The following ISM2 variants were observed in gnomAD, a reference collection of about 807,000 sequenced individuals.
ISM2 encodes the protein isthmin-2.
A neutral mutation model predicts 58.0 loss-of-function variants in ISM2; 50 were observed. The observed-to-expected ratio is 0.86, with a 90% confidence interval of 0.69 to 1.09. The LOEUF is 1.09. Among genes scored for constraint, ISM2 ranks in the 50% least tolerant of loss-of-function variants. The probability of loss-of-function intolerance (pLI) is 0.00; values close to 1 mark genes in which losing one functional copy is unlikely to be tolerated. For missense variants in ISM2, 723 were observed against 745.0 expected (o/e 0.97, Z 0.34); for synonymous variants, 303 against 312.4 (o/e 0.97, Z 0.32).
intron 4 of ISM2, among the ~76,000 whole-genome samples, chr14:77,480,589 G>A (rs1180127221): frequency 5.2e-5 from 6 of 114,520 alleles, no homozygotes; most frequent in Middle Eastern, 6.8e-3. Flanking sequence ...ACAGGGTCTC[G>A]CTCTGTCACC....
chr14:77,497,367 CAAAAAAAAAA>C lies in ISM2; in HGVS notation c.141+1276_141+1285del, dbSNP rs35676781. ...TGGGCAACACAATGAGGCTCTGTCTCAAAAAAAAAAAAAAAAAAAAAGGAAGAAGAAGAAT... is the reference window on the plus strand; with the variant it reads ...TGGGCAACACAATGAGGCTCTGTCTCAAAAAAAAAAAGGAAGAAGAAGAAT... On this transcript the variant is annotated intron_variant, in intron 1 of 6. Coordinates refer to ENST00000342219, the MANE Select transcript of ISM2 (RefSeq NM_199296.3). Among the ~76,000 whole-genome samples the C allele has an allele frequency of 6.2e-5, 4 of 64,764 alleles. No individual in the cohort carries two copies. The Admixed American group carries it at 6.9e-4, about 11-fold the overall frequency. 42.5% of individuals were successfully genotyped at this position (64,764 alleles called of 152,430 possible). A position where few individuals can be genotyped will look rare whatever the true frequency, so the allele number is the denominator to read the frequency against.
At chr14:77,497,382 A>AAC (rs1322898294) in intron 1 of ISM2, among the ~76,000 whole-genome samples, 1 of 148,042 alleles carries the variant, frequency 6.8e-6, no homozygotes, top group African/African-American at 2.5e-5. Flanking sequence ...AAAAAAAAAA[A>AAC]AAAAAAGGAA....
intron 4 of ISM2, among the ~76,000 whole-genome samples, chr14:77,482,061 C>T (rs1391677731): frequency 6.6e-6 from 1 of 151,410 alleles, no homozygotes; most frequent in Admixed American, 6.6e-5. Flanking sequence ...TGCAGTGAAC[C>T]ATGATCATGC....
chr14:77,481,120 A>T (rs780638459), intron 4 of ISM2, among the ~76,000 whole-genome samples: 7 of 151,864 alleles, frequency 4.6e-5, no homozygotes, highest in Non-Finnish European at 1.0e-4. Flanking sequence ...CAGGCAGATC[A>T]CTTGAGGTCA....
At chr14:77,491,480 C>T (rs2079203628) in intron 1 of ISM2, among the ~76,000 whole-genome samples, 1 of 152,090 alleles carries the variant, frequency 6.6e-6, no homozygotes, top group Non-Finnish European at 1.5e-5. Context: ...CCTCTGCCTC[C>T]CGGGCTCAAG....
At chr14:77,477,659 C>T (rs2079106530) in intron 6 of ISM2, among the ~76,000 whole-genome samples, 1 of 152,218 alleles carries the variant, frequency 6.6e-6, no homozygotes, top group African/African-American at 2.4e-5. Context: ...GCTGACATCC[C>T]CTGTGCCAGC....
At position 77,478,625 on chromosome 14, in the gene ISM2, T is replaced by C. The variant is rs145388685; in HGVS notation, c.1064A>G (p.Tyr355Cys). 5 of 1,613,688 alleles carry C rather than the reference T, an allele frequency of 3.1e-6. No homozygotes were observed. The highest frequency in any genetic ancestry group is 3.3e-5 in the Admixed American group (2 of 60,008). Residue 355 changes from tyrosine (Y) to cysteine (C), a missense_variant, in exon 5 of 7, where the codon TAT becomes TGT. Tyr to Cys is a radical substitution (Grantham distance 194). Transcript: ENST00000342219. ...GKQQRTRPCG[Y>C]GCTATETRTC... ...ACGGGTCTCGGTGGCAGTGCAGCCA[T>C]AGCCACAGGGCCGAGTCCTCTGCTG...
chr14:77,495,266 G>C (rs11625487), intron 1 of ISM2, among the ~76,000 whole-genome samples: 107,067 of 151,948 alleles, frequency 0.7, 40,289 homozygotes, highest in East Asian at 0.96. Context: ...GAACTCCAAG[G>C]CCTAGACTCT....
chr14:77,495,229 A>T (rs1263319582), intron 1 of ISM2, among the ~76,000 whole-genome samples: 1 of 152,182 alleles, frequency 6.6e-6, no homozygotes, highest in African/African-American at 2.4e-5. Flanking sequence ...GGTGAGTCAC[A>T]CATGCATTAA....
chr14:77,483,643 C>CGT (rs148280012), intron 3 of ISM2, among the ~76,000 whole-genome samples: 4,070 of 149,314 alleles, frequency 0.027, 161 homozygotes, highest in African/African-American at 0.095. Flanking sequence ...TGCGTGTGTG[C>CGT]GTGTGTGTGT....
At chr14:77,476,502 G>A (rs903754229) in intron 6 of ISM2, among the ~76,000 whole-genome samples, 1 of 152,146 alleles carries the variant, frequency 6.6e-6, no homozygotes, top group Non-Finnish European at 1.5e-5. Flanking sequence ...TGGTAAGAAG[G>A]TTTCATTATT....
chr14:77,492,344 G>C (rs2079210671), intron 1 of ISM2, among the ~76,000 whole-genome samples: 1 of 152,044 alleles, frequency 6.6e-6, no homozygotes, highest in Non-Finnish European at 1.5e-5. Flanking sequence ...TACTAACCTT[G>C]GGTTAGTTAC....
At chr14:77,497,503 A>G (rs922211589) in intron 1 of ISM2, among the ~76,000 whole-genome samples, 3 of 151,424 alleles carry the variant, frequency 2.0e-5, no homozygotes, top group Non-Finnish European at 4.4e-5. Flanking sequence ...TGGGACACAC[A>G]GTGAGACCCC....
intron 1 of ISM2, among the ~76,000 whole-genome samples, chr14:77,489,450 A>G (rs1192780474): frequency 5.3e-5 from 8 of 152,212 alleles, no homozygotes; most frequent in Non-Finnish European, 8.8e-5. Flanking sequence ...CCCTGCCTAC[A>G]ATAGCAATTG....
intron 1 of ISM2, among the ~76,000 whole-genome samples, chr14:77,492,738 T>C (rs999913509): frequency 1.3e-5 from 2 of 152,110 alleles, no homozygotes; most frequent in African/African-American, 4.8e-5. Context: ...CCAGACATGG[T>C]GGCTCGCGCC....
intron 6 of ISM2, among the ~76,000 whole-genome samples, chr14:77,477,228 C>T (rs2079103814): frequency 6.6e-6 from 1 of 152,186 alleles, no homozygotes; most frequent in Non-Finnish European, 1.5e-5. Flanking sequence ...TGTGCAGAAC[C>T]TTGCTCCTCA....
At chr14:77,485,375 T>C (rs1294106201) in intron 1 of ISM2, among the ~76,000 whole-genome samples, 1 of 152,226 alleles carries the variant, frequency 6.6e-6, no homozygotes, top group African/African-American at 2.4e-5. Context: ...CCTTGGCCTT[T>C]CCCCTCAGCC....
At chr14:77,478,757 A>G (rs377723443) in intron 4 of ISM2, 42 bp from the exon 5 acceptor site, 2 of 1,587,378 alleles carry the variant, frequency 1.3e-6, no homozygotes, top group African/African-American at 1.3e-5. Context: ...CATATAGCTC[A>G]CAGGGCAAAT....
intron 1 of ISM2, among the ~76,000 whole-genome samples, chr14:77,491,276 T>C (rs2079202197): frequency 6.6e-6 from 1 of 152,176 alleles, no homozygotes; most frequent in Non-Finnish European, 1.5e-5. Flanking sequence ...CAAGCGCTTC[T>C]TTCATGGCCA....
Sources: allele counts gnomAD v4.1 joint callset (sites outside exome capture counted in the v4.1 genomes callset), GRCh38; gene constraint gnomAD v4.1.1; transcripts MANE v1.5; gene names NCBI Gene and HGNC (gene_info 2026-07-23, HGNC 2026-07-21).